The following SIRPD variants were observed in gnomAD, a reference collection of about 807,000 sequenced individuals.
The protein encoded by SIRPD is signal regulatory protein delta, also known as signal-regulatory protein delta.
SIRPD carries 21 observed loss-of-function variants against 18.0 expected under a neutral mutation model. The observed-to-expected ratio is 1.17, with a 90% CI of 0.83 to 1.68. The LOEUF is 1.68. Among genes scored for constraint, SIRPD ranks in the 40% most tolerant of loss-of-function variants. SIRPD has a pLI of 0.00. For missense variants in SIRPD, 295 were observed against 238.4 expected, an observed-to-expected ratio of 1.24 and a Z score of -1.56; for synonymous variants, 106 against 92.9, an observed-to-expected ratio of 1.14 and a Z score of -0.81.
chr20:1,538,541 A>G (rs1463926411), intron 2 of SIRPD, among the ~76,000 whole-genome samples: 1 of 152,174 alleles, frequency 6.6e-6, no homozygotes, highest in Admixed American at 6.5e-5. Flanking sequence ...GAGTTTGGGC[A>G]GGTCTGTGAC....
rs185731530 is a variant in SIRPD, at chr20:1,537,315, T to G, written c.422-5A>C. The stretch of plus-strand genomic sequence containing the variant: ...TGGGAGGTCTTGGATTCTGCTCTGC[T>G]GAGAGAGGCAAAACTATGTGTTCCA... On this transcript the variant is annotated splice_polypyrimidine_tract_variant and splice_region_variant and intron_variant, in intron 2 of 3. Transcript: ENST00000381623. 3.6e-4 allele frequency: 577 copies of G among 1,612,752 alleles called. 1 individual carries two copies. The African/African-American group carries it at 5.6e-3, about 16-fold the overall frequency.
chr20:1,541,567 A>T (rs545127920), intron 2 of SIRPD, among the ~76,000 whole-genome samples: 29 of 151,926 alleles, frequency 1.9e-4, no homozygotes, highest in South Asian at 1.2e-3. Flanking sequence ...GATTGCAAAA[A>T]TTTTCTCCCA....
chr20:1,538,679 C>T (rs141901806), intron 2 of SIRPD, among the ~76,000 whole-genome samples: 1 of 152,174 alleles, frequency 6.6e-6, no homozygotes, highest in African/African-American at 2.4e-5. Flanking sequence ...CCCAAACTAG[C>T]ATGCATGAAG....
rs572024086 is a variant in SIRPD, at chr20:1,548,934, T to C, written c.421+2757A>G. Among the ~76,000 whole-genome samples, 5 of 152,276 alleles carry C rather than the reference T, an allele frequency of 3.3e-5. No homozygotes were observed. In the South Asian group the frequency reaches 1.0e-3, roughly 32 times the overall value. On this transcript the variant is annotated intron_variant, in intron 2 of 3. Transcript: ENST00000381623. Reference sequence around the variant, plus strand: ...AATATTTTTTTCTGCTGTTTTCTCTTTCTCCTCTCCTTCTGCTATCCCTAT... The same window carrying C: ...AATATTTTTTTCTGCTGTTTTCTCTCTCTCCTCTCCTTCTGCTATCCCTAT...
chr20:1,541,982 T>G (rs1279580764), intron 2 of SIRPD, among the ~76,000 whole-genome samples: 1 of 152,204 alleles, frequency 6.6e-6, no homozygotes, highest in Non-Finnish European at 1.5e-5. Context: ...GCCTCAGTTC[T>G]GTTCCATTGG....
intron 2 of SIRPD, among the ~76,000 whole-genome samples, chr20:1,550,040 C>T (rs1295917219): frequency 2.6e-5 from 4 of 152,178 alleles, no homozygotes; most frequent in African/African-American, 7.2e-5. Flanking sequence ...TATCTCCACT[C>T]TAACTAGAGA....
rs1435731624 is a variant in SIRPD, at chr20:1,534,434, C to A, written c.585G>T (p.Leu195=). The change falls in exon 4 of 4, where the codon CTG becomes CTT. Residue 195 remains leucine (L), a synonymous_variant. Coordinates refer to ENST00000381623, the MANE Select transcript of SIRPD (RefSeq NM_178460.3). ...CLRLLGLTGL[L]SK is the part of the protein sequence containing the mutation. ...TCCTTCCCTGTTTGGATTATTTTGA[C>A]AGCAAGCCTGAAATACAATAAAAAT... 18 of 1,612,216 alleles carry A rather than the reference C, an allele frequency of 1.1e-5. No individual in the cohort carries two copies. The Admixed American group carries it at 3.0e-4, about 27-fold the overall frequency.
chr20:1,535,507 G>C (rs1386289479), intron 3 of SIRPD, among the ~76,000 whole-genome samples: 2 of 150,674 alleles, frequency 1.3e-5, no homozygotes. Flanking sequence ...GGTTTTATAA[G>C]AAGAGAGAGA....
intron 2 of SIRPD, among the ~76,000 whole-genome samples, chr20:1,544,272 T>A (rs1018956809): frequency 1.3e-5 from 2 of 152,198 alleles, no homozygotes; most frequent in African/African-American, 4.8e-5. Flanking sequence ...TCTAAGAACT[T>A]GCTTTATGAA....
At chr20:1,550,201 G>A (rs2091012708) in intron 2 of SIRPD, among the ~76,000 whole-genome samples, 1 of 152,216 alleles carries the variant, frequency 6.6e-6, no homozygotes, top group South Asian at 2.1e-4. Context: ...GGACCATGTG[G>A]TGGATGAACA....
Position 1,543,242 on chromosome 20 carries a change from C to G in SIRPD, c.422-5932G>C, listed in dbSNP as rs191396243. Among the ~76,000 whole-genome samples the G allele has an allele frequency of 2.4e-4, 37 of 152,284 alleles. No homozygotes were observed. The East Asian group carries it at 6.4e-3, about 26-fold the overall frequency. On this transcript the variant is annotated intron_variant, in intron 2 of 3. Transcript: ENST00000381623. The stretch of plus-strand genomic sequence containing the variant: ...CTCTTGTACCTCTGGTAGAATTCGG[C>G]TGTGAATCCATCTGGTCCTTGGCTT...
intron 3 of SIRPD, among the ~76,000 whole-genome samples, chr20:1,536,688 A>G (rs865990102): frequency 9.2e-5 from 14 of 152,132 alleles, no homozygotes; most frequent in Middle Eastern, 3.2e-3. Context: ...CTACCTATCT[A>G]TCTATCTAAT....
At chr20:1,554,180 A>C (rs1373633183) in intron 1 of SIRPD, 1 of 152,692 alleles carries the variant, frequency 6.5e-6, no homozygotes, top group Non-Finnish European at 1.5e-5. Context: ...GAACCACAAG[A>C]CAGGCCCTTC....
At chr20:1,548,084 C>T (rs2091001931) in intron 2 of SIRPD, among the ~76,000 whole-genome samples, 1 of 152,106 alleles carries the variant, frequency 6.6e-6, no homozygotes, top group South Asian at 2.1e-4. Context: ...ACTTAATTGT[C>T]CTGACTAAAA....
chr20:1,546,621 G>T (rs1212023834), intron 2 of SIRPD, among the ~76,000 whole-genome samples: 1 of 152,088 alleles, frequency 6.6e-6, no homozygotes, highest in Non-Finnish European at 1.5e-5. Flanking sequence ...GGAATAGCTG[G>T]GTCATATAGT....
intron 1 of SIRPD, chr20:1,554,250 C>G (rs773003314): frequency 6.6e-6 from 1 of 152,604 alleles, no homozygotes; most frequent in Non-Finnish European, 1.5e-5. Flanking sequence ...TTGACTGACA[C>G]TAAAGTCTGA....
At chr20:1,537,525 C>T (rs911906838) in intron 2 of SIRPD, among the ~76,000 whole-genome samples, 1 of 152,166 alleles carries the variant, frequency 6.6e-6, no homozygotes. Context: ...GGGCCCCTCA[C>T]TTTGTGTCAG....
intron 1 of SIRPD, among the ~76,000 whole-genome samples, chr20:1,554,674 T>G (rs1040040967): frequency 5.3e-5 from 8 of 152,186 alleles, no homozygotes. Flanking sequence ...AAGGACAGTA[T>G]GTTGATAACC....
chr20:1,547,208 T>C (rs2090997430), intron 2 of SIRPD, among the ~76,000 whole-genome samples: 1 of 152,218 alleles, frequency 6.6e-6, no homozygotes. Flanking sequence ...AGGGTTCAAC[T>C]TCATTGTTTT....
Sources: allele counts gnomAD v4.1 joint callset (sites outside exome capture counted in the v4.1 genomes callset), GRCh38; gene constraint gnomAD v4.1.1; transcripts MANE v1.5; gene names NCBI Gene and HGNC (gene_info 2026-07-23, HGNC 2026-07-21).